Variants in ZFYVE26 observed in about 807,000 individuals in gnomAD.
ZFYVE26 encodes zinc finger FYVE domain-containing protein 26.
Under a neutral mutation model 276.5 loss-of-function variants are expected in ZFYVE26, and 181 were observed. The ratio of observed to expected loss-of-function variants is 0.65; its 90% CI spans 0.58 to 0.74. The LOEUF is 0.74. Among genes scored for constraint, ZFYVE26 ranks in the 30% least tolerant of loss-of-function variants. The pLI, the probability that ZFYVE26 is intolerant of heterozygous loss-of-function variation, is 0.00. For missense variants in ZFYVE26, 2,821 were observed against 3,097.9 expected (o/e 0.91, Z 2.12); for synonymous variants, 1,129 against 1,203.1 (o/e 0.94, Z 1.27).
chr14:67,762,169 C>T (rs778036116), intron 34 of ZFYVE26, 34 bp downstream of exon 34: 35 of 1,608,584 alleles, frequency 2.2e-5, no homozygotes, highest in Non-Finnish European at 2.9e-5. Context: ...GGTCTCCCTC[C>T]CTGAGCCAGG....
At chr14:67,761,737 C>G in intron 34 of ZFYVE26, 153 bp from the exon 35 acceptor site, 1 of 661,722 alleles carries the variant, frequency 1.5e-6, no homozygotes. Flanking sequence ...CACATGTACC[C>G]TAGAACTTAA....
rs369254550 is a variant in ZFYVE26 at position 67,797,772 on chromosome 14, A to G, written c.2249-17T>C. On this transcript the variant is annotated splice_polypyrimidine_tract_variant and intron_variant, in intron 11 of 41. Coordinates refer to ENST00000347230, the MANE Select transcript of ZFYVE26 (RefSeq NM_015346.4). ...GTTGCTCCTCTGAAAGAGCAAACCC[A>G]ATGGGACAGAAAGGAGAGTGATCAA... 6.2e-7 allele frequency: 1 copy of G among 1,613,678 alleles called. No individual in the cohort carries two copies. Among genetic ancestry groups the G allele is most frequent in the African/African-American group, 1.3e-5 (1 of 75,032 alleles).
intron 32 of ZFYVE26, 57 bp from the exon 33 acceptor site, chr14:67,762,876 C>A (rs1226330204): frequency 6.2e-7 from 1 of 1,604,884 alleles, no homozygotes; most frequent in African/African-American, 1.3e-5. Context: ...CTAAGAGTAG[C>A]CGCTTAAAGG....
intron 28 of ZFYVE26, chr14:67,770,218 G>T: frequency 4.9e-6 from 1 of 202,610 alleles, no homozygotes; most frequent in Non-Finnish European, 1.0e-5. Flanking sequence ...AATCCCAGCA[G>T]TTTGGGAGGC....
intron 3 of ZFYVE26, among the ~76,000 whole-genome samples, chr14:67,811,160 G>T (rs189732034): frequency 8.5e-4 from 130 of 152,292 alleles, no homozygotes; most frequent in African/African-American, 3.0e-3. Context: ...TAACAGAAAA[G>T]AATAGATAAG....
In ZFYVE26 at chr14:67,804,279, T is replaced by C. The variant is rs200345163; in HGVS notation, c.1272-15A>G. 64 of 1,614,122 alleles carry C rather than the reference T, an allele frequency of 4.0e-5. No homozygotes were observed. In the African/African-American group the frequency reaches 8.0e-4, roughly 20 times the overall value. ...GTATGGGGTTGCTGAATGGAAAAGTTGGGAGGATGGAAGAGAGGCAGTTTA... is the reference window on the plus strand; with the variant it reads ...GTATGGGGTTGCTGAATGGAAAAGTCGGGAGGATGGAAGAGAGGCAGTTTA... On this transcript the variant is annotated splice_polypyrimidine_tract_variant and intron_variant, in intron 8 of 41. Transcript: ENST00000347230.
rs142201009 is a variant in ZFYVE26 at position 67,793,411 on chromosome 14, G to C, written c.2553+197C>G. Among the ~76,000 whole-genome samples, 32 of 152,208 alleles carry C rather than the reference G, an allele frequency of 2.1e-4. No homozygotes were observed. The East Asian group carries it at 6.2e-3, about 29-fold the overall frequency. ...CTTTTAAAAACACTGCTTATGTTAA[G>C]AACCACAAACAATTCACTATCTTTC... On this transcript the variant is annotated intron_variant, in intron 14 of 41. Coordinates refer to ENST00000347230, the MANE Select transcript of ZFYVE26 (RefSeq NM_015346.4).
intron 13 of ZFYVE26, chr14:67,733,600 T>TG: frequency 1.7e-6 from 1 of 590,706 alleles, no homozygotes; most frequent in East Asian, 3.5e-5. Flanking sequence ...AAAATATTTT[T>TG]GGAGTGCATT....
chr14:67,757,591 T>G (rs962805618), intron 35 of ZFYVE26, among the ~76,000 whole-genome samples: 3 of 152,230 alleles, frequency 2.0e-5, no homozygotes, highest in African/African-American at 7.2e-5. Flanking sequence ...ATATCTATTT[T>G]ATTTCTCATG....
Position 67,786,096 on chromosome 14 carries a change from G to A in ZFYVE26, c.3139+18C>T. On this transcript the variant is annotated intron_variant, in intron 17 of 41. Transcript: ENST00000347230. Reference sequence around the variant, plus strand: ...ATGTTCCAAGTCCAGGAGAAGAAAAGAGAAAAAAGCAACTCACCTGATTTG... The same window carrying A: ...ATGTTCCAAGTCCAGGAGAAGAAAAAAGAAAAAAGCAACTCACCTGATTTG... 6.2e-7 allele frequency: 1 copy of A among 1,614,062 alleles called. No individual in the cohort carries two copies. The highest frequency in any genetic ancestry group is 8.5e-7 in the Non-Finnish European group (1 of 1,180,004).
intron 30 of ZFYVE26, 113 bp downstream of exon 30, chr14:67,768,404 G>A (rs780072931): frequency 4.0e-6 from 5 of 1,236,364 alleles, no homozygotes; most frequent in Non-Finnish European, 6.0e-6. Context: ...TGGCAAACAA[G>A]TTGGATGGAG....
chr14:67,742,691 G>A (rs2038427450), downstream of ZFYVE26, among the ~76,000 whole-genome samples: 1 of 152,114 alleles, frequency 6.6e-6, no homozygotes, highest in Admixed American at 6.6e-5. Flanking sequence ...ATAGGATTTG[G>A]CTTTGGACAT....
chr14:67,770,481 A>AC (rs11457022), intron 28 of ZFYVE26: 2 of 151,368 alleles, frequency 1.3e-5, no homozygotes, highest in Non-Finnish European at 2.9e-5. Flanking sequence ...AAAAAAAAAA[A>AC]GACTTTAAAA....
At chr14:67,785,362 T>C (rs1048344059) in intron 18 of ZFYVE26, 85 bp from the exon 19 acceptor site, 2 of 1,260,186 alleles carry the variant, frequency 1.6e-6, no homozygotes, top group African/African-American at 1.5e-5. Flanking sequence ...ATATGTGAAC[T>C]GTGCCCCCTA....
At chr14:67,733,636 G>T in intron 13 of ZFYVE26, 1 of 731,594 alleles carries the variant, frequency 1.4e-6, no homozygotes. Context: ...CTTTGAGTCT[G>T]GCATATATTG....
chr14:67,769,196 T>C (rs754363064), intron 29 of ZFYVE26, among the ~76,000 whole-genome samples: 1 of 152,068 alleles, frequency 6.6e-6, no homozygotes, highest in African/African-American at 2.4e-5. Flanking sequence ...TAGATCAGAG[T>C]TGATATAAGC....
chr14:67,748,357 A>G lies in ZFYVE26; in HGVS notation c.*79T>C. 1 of 1,482,460 alleles carries G rather than the reference A, an allele frequency of 6.7e-7. No individual in the cohort carries two copies. Among genetic ancestry groups the G allele is most frequent in the Non-Finnish European group, 9.2e-7 (1 of 1,083,830 alleles). The allele number at this position is 1,482,460 out of a possible 1,614,324, so 91.8% of individuals were successfully genotyped here. Reference sequence around the variant, plus strand: ...AGCCAGAGAAGTCCCACTCCACTGGAGGAAAGAGGTGGAGGGCATCGCCAT... The same window carrying G: ...AGCCAGAGAAGTCCCACTCCACTGGGGGAAAGAGGTGGAGGGCATCGCCAT... On this transcript the variant is annotated 3_prime_UTR_variant, in exon 42 of 42. Transcript: ENST00000347230.
chr14:67,814,027 C>A lies in ZFYVE26; in HGVS notation c.232G>T (p.Val78Phe). 6.2e-7 allele frequency: 1 copy of A among 1,613,990 alleles called. No individual in the cohort carries two copies. Among genetic ancestry groups the A allele is most frequent in the Non-Finnish European group, 8.5e-7 (1 of 1,179,956 alleles). ...QDINPQRVAW[V>F]WLLVLEKWLA... Reference sequence around the variant, plus strand: ...CATTTCTCCAGTACAAGAAGCCAGACCCAGGCTACTCTTTGAGGGTTGATG... The same window carrying A: ...CATTTCTCCAGTACAAGAAGCCAGAACCAGGCTACTCTTTGAGGGTTGATG... Residue 78 changes from valine to phenylalanine, a missense_variant, in exon 3 of 42, where the codon GTC (valine) becomes TTC (phenylalanine). Physicochemically the swap from Val to Phe is conservative, Grantham distance 50. Coordinates refer to ENST00000347230, the MANE Select transcript of ZFYVE26 (RefSeq NM_015346.4).
At chr14:67,774,447 C>T (rs1047276687) in intron 27 of ZFYVE26, among the ~76,000 whole-genome samples, 4 of 151,938 alleles carry the variant, frequency 2.6e-5, no homozygotes, top group East Asian at 1.9e-4. Context: ...TGCAGTGAGC[C>T]GTGATCGTGC....
Sources: gnomAD v4.1 joint callset for allele counts (sites outside exome capture counted in the v4.1 genomes callset) on GRCh38, gnomAD v4.1.1 for gene constraint, MANE v1.5 for transcripts, NCBI Gene and HGNC (gene_info 2026-07-23, HGNC 2026-07-21) for gene names.